The following CACNA1E variants were observed in gnomAD, a reference collection of about 807,000 sequenced individuals.
CACNA1E encodes calcium voltage-gated channel subunit alpha1 E, also known as voltage-dependent R-type calcium channel subunit alpha-1E.
A neutral mutation model predicts 259.2 loss-of-function variants in CACNA1E; 40 were observed. The ratio of observed to expected loss-of-function variants is 0.15; its 90% confidence interval spans 0.12 to 0.20. The LOEUF (loss-of-function observed/expected upper bound fraction) is 0.20, where lower values mean the gene tolerates loss of function less well. Ranked by LOEUF, CACNA1E falls within the 10% of genes least tolerant of loss-of-function variation. CACNA1E has a pLI of 1.00. For synonymous variants in CACNA1E, 1,104 were observed against 1,138.5 expected, an observed-to-expected ratio of 0.97 and a Z score of 0.61; for missense variants, 1,874 against 3,040.1, an observed-to-expected ratio of 0.62 and a Z score of 9.02.
intron 7 of CACNA1E, among the ~76,000 whole-genome samples, chr1:181,702,890 T>G (rs1462564857): frequency 6.6e-6 from 1 of 152,246 alleles, no homozygotes. Flanking sequence ...TTTATAACAT[T>G]CTGTTTATTA....
intron 2 of CACNA1E, among the ~76,000 whole-genome samples, chr1:181,442,298 G>A (rs1660543345): frequency 6.6e-6 from 1 of 150,752 alleles, no homozygotes; most frequent in Admixed American, 6.6e-5. Flanking sequence ...GGGCATGAGG[G>A]AGACAGGTGT....
At chr1:181,541,591 T>G (rs887305272) in intron 3 of CACNA1E, among the ~76,000 whole-genome samples, 6 of 152,188 alleles carry the variant, frequency 3.9e-5, no homozygotes, top group African/African-American at 1.4e-4. Flanking sequence ...TCCTATGTTC[T>G]GAAAGGCTCT....
At chr1:181,499,381 T>C (rs1459135225) in intron 1 of CACNA1E, among the ~76,000 whole-genome samples, 6 of 152,250 alleles carry the variant, frequency 3.9e-5, no homozygotes, top group Non-Finnish European at 8.8e-5. Context: ...CAGGGAATTT[T>C]ATTTGATTAT....
At chr1:181,646,149 G>T (rs569250737) in intron 6 of CACNA1E, among the ~76,000 whole-genome samples, 1 of 152,374 alleles carries the variant, frequency 6.6e-6, no homozygotes, top group South Asian at 2.1e-4. Flanking sequence ...TATGTTGGCT[G>T]CTCCAACCCT....
intron 6 of CACNA1E, among the ~76,000 whole-genome samples, chr1:181,593,998 C>CT (rs1385415652): frequency 6.6e-6 from 1 of 152,148 alleles, no homozygotes; most frequent in Non-Finnish European, 1.5e-5. Context: ...ATTTGTTCAA[C>CT]TTGAAACTGG....
intron 7 of CACNA1E, among the ~76,000 whole-genome samples, chr1:181,684,067 C>T (rs1428128449): frequency 6.6e-6 from 1 of 152,172 alleles, no homozygotes; most frequent in African/African-American, 2.4e-5. Context: ...AAACTGCTTT[C>T]CACAGTGGCT....
intron 7 of CACNA1E, among the ~76,000 whole-genome samples, chr1:181,707,799 C>G (rs1367315338): frequency 6.6e-6 from 1 of 152,160 alleles, no homozygotes; most frequent in African/African-American, 2.4e-5. Flanking sequence ...AAAAAATCTA[C>G]TGAACATATA....
intron 7 of CACNA1E, among the ~76,000 whole-genome samples, chr1:181,668,406 A>AT (rs1294650533): frequency 6.6e-6 from 1 of 152,060 alleles, no homozygotes; most frequent in African/African-American, 2.4e-5. Flanking sequence ...GGACATGTGA[A>AT]TTTTTTTCAG....
chr1:181,481,063 C>G (rs1005702005), upstream of CACNA1E, among the ~76,000 whole-genome samples: 3 of 152,106 alleles, frequency 2.0e-5, no homozygotes, highest in Non-Finnish European at 2.9e-5. Flanking sequence ...AAGTGACTGG[C>G]TGATGGGACT....
At chr1:181,559,842 A>G (rs1345788854) in intron 3 of CACNA1E, among the ~76,000 whole-genome samples, 2 of 152,136 alleles carry the variant, frequency 1.3e-5, no homozygotes, top group African/African-American at 4.8e-5. Flanking sequence ...AAGAGAGCAC[A>G]CAAAAAGTTG....
chr1:181,389,781 T>G (rs925961202), intron 1 of CACNA1E, among the ~76,000 whole-genome samples: 1 of 152,208 alleles, frequency 6.6e-6, no homozygotes, highest in African/African-American at 2.4e-5. Flanking sequence ...TCTTTGTTAC[T>G]GGGGCTGCTG....
intron 1 of CACNA1E, among the ~76,000 whole-genome samples, chr1:181,492,396 T>C (rs1486866084): frequency 6.6e-6 from 1 of 152,242 alleles, no homozygotes; most frequent in African/African-American, 2.4e-5. Flanking sequence ...TTACCACTTT[T>C]TTTGTTCAAT....
At chr1:181,383,730 T>A (rs182634952) in intron 1 of CACNA1E, among the ~76,000 whole-genome samples, 202 of 152,366 alleles carry the variant, frequency 1.3e-3, no homozygotes, top group African/African-American at 4.8e-3. Flanking sequence ...TTTCCTTTTC[T>A]TCCTGGGCAC....
At chr1:181,471,083 G>A (rs1357769480) in intron 2 of CACNA1E, among the ~76,000 whole-genome samples, 1 of 152,204 alleles carries the variant, frequency 6.6e-6, no homozygotes, top group African/African-American at 2.4e-5. Context: ...CAGAGTAGCT[G>A]ATGGCAGTAT....
intron 3 of CACNA1E, among the ~76,000 whole-genome samples, chr1:181,571,589 C>T (rs1371533210): frequency 6.6e-6 from 1 of 152,206 alleles, no homozygotes; most frequent in African/African-American, 2.4e-5. Flanking sequence ...TATTCTGACT[C>T]AACTTTGTGT....
intron 2 of CACNA1E, among the ~76,000 whole-genome samples, chr1:181,455,567 A>G (rs1435695943): frequency 6.6e-6 from 1 of 152,216 alleles, no homozygotes; most frequent in Non-Finnish European, 1.5e-5. Flanking sequence ...CCTTTCAATT[A>G]ACCAGGTCAC....
At chr1:181,785,115 A>C (rs1197395646) in intron 41 of CACNA1E, among the ~76,000 whole-genome samples, 1 of 152,122 alleles carries the variant, frequency 6.6e-6, no homozygotes, top group Non-Finnish European at 1.5e-5. Flanking sequence ...GTGGGCATGC[A>C]AGCCCCCTGA....
chr1:181,622,879 A>T (rs1181221422), intron 6 of CACNA1E, among the ~76,000 whole-genome samples: 1 of 152,186 alleles, frequency 6.6e-6, no homozygotes, highest in Non-Finnish European at 1.5e-5. Flanking sequence ...GTGTTGCTTA[A>T]AAAAACCGCG....
At chr1:181,625,187 TA>T (rs1656082664) in intron 6 of CACNA1E, among the ~76,000 whole-genome samples, 1 of 151,640 alleles carries the variant, frequency 6.6e-6, no homozygotes, top group South Asian at 2.1e-4. Context: ...AGATTTAGCA[TA>T]ACTCCTAAGG....
Sources: gnomAD v4.1 joint callset for allele counts (sites outside exome capture counted in the v4.1 genomes callset) on GRCh38, gnomAD v4.1.1 for gene constraint, MANE v1.5 for transcripts, NCBI Gene and HGNC (gene_info 2026-07-23, HGNC 2026-07-21) for gene names.